NEMP2: variants seen among roughly 807,000 people sequenced by gnomAD.
NEMP2 encodes the protein nuclear envelope integral membrane protein 2, also known as UPF0571 transmembrane protein.
NEMP2 carries 53 observed loss-of-function variants against 54.2 expected under a neutral mutation model. That is an observed-to-expected ratio of 0.98 (90% CI 0.78 to 1.23). The LOEUF (loss-of-function observed/expected upper bound fraction) is 1.23, where lower values mean the gene tolerates loss of function less well. NEMP2 is among the 50% of genes most tolerant of loss of function. The pLI, the probability that NEMP2 is intolerant of heterozygous loss-of-function variation, is 0.00. For missense variants in NEMP2, 455 were observed against 511.3 expected, an observed-to-expected ratio of 0.89 and a Z score of 1.06; for synonymous variants, 197 against 190.3, an observed-to-expected ratio of 1.04 and a Z score of -0.29.
rs988804765 is a variant in NEMP2, at chr2:190,534,575, C to T, written c.81G>A (p.Ala27=). ...CCGGGTTACCTGATAACGCTGCCGC[C>T]GCCGCCTCCCCGCGCACGGGCAGTG... is the stretch of plus-strand genomic sequence containing the variant. The part of the protein sequence containing the change: ...LATLPVRGEA[A]AAALSVRRCK... Residue 27 remains alanine, a synonymous_variant, in exon 1 of 9, where the codon GCG becomes GCA. Transcript: ENST00000409150. 25 of 1,400,988 alleles carry T rather than the reference C, an allele frequency of 1.8e-5. No homozygotes were observed. Among genetic ancestry groups the T allele is most frequent in the East Asian group, 6.1e-5 (2 of 32,656 alleles). The allele number at this position is 1,400,988 out of a possible 1,614,324, so 86.8% of individuals were successfully genotyped here.
chr2:190,518,849 T>C (rs1036929957), intron 3 of NEMP2, 41 bp from the exon 4 acceptor site: 1 of 1,523,432 alleles, frequency 6.6e-7, no homozygotes, highest in African/African-American at 1.4e-5. Flanking sequence ...CAAAGATTTT[T>C]TATCAATGTA....
the NEMP2 span, among the ~76,000 whole-genome samples, chr2:190,551,201 T>C: frequency 6.6e-6 from 1 of 151,976 alleles, no homozygotes; most frequent in African/African-American, 2.4e-5. Flanking sequence ...TTTCATATTA[T>C]TGTTTAGGGA....
rs577461748 is a variant in NEMP2, at chr2:190,531,986, A to AT, written c.97+2572_97+2573insA. Among the ~76,000 whole-genome samples, 2 of 152,094 alleles carry AT rather than the reference A, an allele frequency of 1.3e-5. No homozygotes were observed. Among genetic ancestry groups the AT allele is most frequent in the East Asian group, 1.9e-4 (1 of 5,190 alleles). On this transcript the variant is annotated intron_variant, in intron 1 of 8. Transcript: ENST00000409150. This position sits in a 1 kb window ranked among gnomAD's most constrained non-coding sequence, Gnocchi z 4.7. ...ACATGGCCCTCATATGGGGAAAAAA[A>AT]ATATCTTCAGATGAAACTAGAATGG...
At chr2:190,476,738 T>A in the NEMP2 span, among the ~76,000 whole-genome samples, 1 of 152,134 alleles carries the variant, frequency 6.6e-6, no homozygotes, top group Non-Finnish European at 1.5e-5. Flanking sequence ...CATGCTGCTA[T>A]AAAGACACAT....
the NEMP2 span, among the ~76,000 whole-genome samples, chr2:190,499,312 A>G: frequency 6.6e-6 from 1 of 152,192 alleles, no homozygotes; most frequent in Non-Finnish European, 1.5e-5. This position sits in a 1 kb window ranked among gnomAD's most constrained non-coding sequence, Gnocchi z 6.0. Flanking sequence ...TTGGGTGTTC[A>G]GCCAAAAAGT....
At chr2:190,551,613 GT>G in the NEMP2 span, among the ~76,000 whole-genome samples, 1,714 of 152,242 alleles carry the variant, frequency 0.011, 34 homozygotes, top group African/African-American at 0.038. Flanking sequence ...GAAATAGAAA[GT>G]TATAGTTTAG....
At chr2:190,437,111 A>G in the NEMP2 span, 1 of 1,614,234 alleles carries the variant, frequency 6.2e-7, no homozygotes, top group African/African-American at 1.3e-5. The surrounding 1 kb of genome is among the most constrained non-coding windows in gnomAD (Gnocchi z 5.9). Context: ...AAGGGGTGTA[A>G]GCCCCCCGAG....
At chr2:190,499,774 CT>C, downstream of NEMP2, 4 of 1,466,546 alleles carry the variant, frequency 2.7e-6, no homozygotes, top group East Asian at 3.0e-5. This position sits in a 1 kb window ranked among gnomAD's most constrained non-coding sequence, Gnocchi z 6.0. Flanking sequence ...AGTAATGTTC[CT>C]TTTTCCACAA....
rs941425776 is a variant in NEMP2 at position 190,505,278 on chromosome 2, T to C, written c.*3911A>G. The C allele has an allele frequency of 6.6e-6, 1 of 152,208 alleles. No homozygotes were observed. The highest frequency in any genetic ancestry group is 2.4e-5 in the African/African-American group (1 of 41,460). 9.4% of individuals were successfully genotyped at this position (152,208 alleles called of 1,614,324 possible). A position where few individuals can be genotyped will look rare whatever the true frequency, so the allele number is the denominator to read the frequency against. On this transcript the variant is annotated 3_prime_UTR_variant, in exon 9 of 9. Transcript: ENST00000409150. This position sits in a 1 kb window ranked among gnomAD's most constrained non-coding sequence, Gnocchi z 5.8. ...GGGCTTGAATTCTGATTCTACCACT[T>C]TAGCTATATGTGTCCTTCAGCAACT...
At chr2:190,511,122 G>A (rs866071412) in intron 7 of NEMP2, among the ~76,000 whole-genome samples, 1 of 151,760 alleles carries the variant, frequency 6.6e-6, no homozygotes, top group African/African-American at 2.4e-5. Flanking sequence ...TTTCTTCCTC[G>A]GTGATTTCTA....
chr2:190,537,746 G>C (rs866624164), upstream of NEMP2, among the ~76,000 whole-genome samples: 135 of 152,308 alleles, frequency 8.9e-4, no homozygotes, highest in African/African-American at 2.9e-3. Flanking sequence ...CCATTTTCTG[G>C]AGAGAAATTC....
At chr2:190,477,185 C>A in the NEMP2 span, 1 of 897,582 alleles carries the variant, frequency 1.1e-6, no homozygotes, top group Non-Finnish European at 1.3e-6. Flanking sequence ...GCACATGTAC[C>A]CTAAAACTTA....
the NEMP2 span, among the ~76,000 whole-genome samples, chr2:190,480,684 A>T: frequency 6.6e-6 from 1 of 152,224 alleles, no homozygotes; most frequent in African/African-American, 2.4e-5. Flanking sequence ...TTTGAATTCT[A>T]ACTCCCCTAC....
At chr2:190,496,252 C>A in the NEMP2 span, among the ~76,000 whole-genome samples, 1 of 152,076 alleles carries the variant, frequency 6.6e-6, no homozygotes, top group Admixed American at 6.5e-5. The surrounding 1 kb of genome is among the most constrained non-coding windows in gnomAD (Gnocchi z 4.7). Context: ...CACTAGTGAT[C>A]AGGGAAATGC....
rs1338923481 is a variant in NEMP2 at position 190,522,186 on chromosome 2, A to G, written c.214-3003T>C. ...CTTATAAATAATGATAATAACACAA[A>G]CATAAAGATGGAAACAACAGACAAC... On this transcript the variant is annotated intron_variant, in intron 2 of 8. Transcript: ENST00000409150. The surrounding 1 kb of genome is among the most constrained non-coding windows in gnomAD (Gnocchi z 5.0). 6.6e-6 allele frequency among the ~76,000 whole-genome samples: 1 copy of G among 152,130 alleles called. No individual in the cohort carries two copies. Among genetic ancestry groups the G allele is most frequent in the Non-Finnish European group, 1.5e-5 (1 of 68,034 alleles).
At chr2:190,434,795 G>A in the NEMP2 span, among the ~76,000 whole-genome samples, 2,164 of 152,206 alleles carry the variant, frequency 0.014, 79 homozygotes, top group East Asian at 0.075. This position sits in a 1 kb window ranked among gnomAD's most constrained non-coding sequence, Gnocchi z 4.3. Context: ...TTTCAGTTTA[G>A]TGTGTCTTAG....
At chr2:190,591,707 G>A in the NEMP2 span, among the ~76,000 whole-genome samples, 1 of 152,182 alleles carries the variant, frequency 6.6e-6, no homozygotes, top group South Asian at 2.1e-4. This position sits in a 1 kb window ranked among gnomAD's most constrained non-coding sequence, Gnocchi z 5.4. Context: ...ACCTTGTGAG[G>A]ATTAGGGCCT....
the NEMP2 span, among the ~76,000 whole-genome samples, chr2:190,442,093 G>C: frequency 2.0e-5 from 3 of 152,122 alleles, no homozygotes; most frequent in Non-Finnish European, 4.4e-5. Flanking sequence ...TCCCCATTCT[G>C]ATTCCTTAAG....
At chr2:190,596,300 A>G in the NEMP2 span, among the ~76,000 whole-genome samples, 1 of 152,192 alleles carries the variant, frequency 6.6e-6, no homozygotes, top group Non-Finnish European at 1.5e-5. The surrounding 1 kb of genome is among the most constrained non-coding windows in gnomAD (Gnocchi z 5.1). Flanking sequence ...CCTAATGTAG[A>G]TGACAGGTTG....
Sources: allele counts gnomAD v4.1 joint callset (sites outside exome capture counted in the v4.1 genomes callset), GRCh38; gene constraint gnomAD v4.1.1; non-coding constraint Gnocchi (gnomAD v3.1); transcripts MANE v1.5; gene names NCBI Gene and HGNC (gene_info 2026-07-23, HGNC 2026-07-21).